AVEN: variants seen among roughly 807,000 people sequenced by gnomAD.
AVEN encodes the protein apoptosis and caspase activation inhibitor.
A neutral mutation model predicts 38.1 loss-of-function variants in AVEN; 41 were observed. That is an observed-to-expected ratio of 1.08 (90% CI 0.84 to 1.40). The LOEUF (loss-of-function observed/expected upper bound fraction) is 1.40, where lower values mean the gene tolerates loss of function less well. AVEN is among the 40% of genes most tolerant of loss of function. The pLI, the probability that AVEN is intolerant of heterozygous loss-of-function variation, is 0.00. For missense variants in AVEN, 605 were observed against 438.8 expected (o/e 1.38, Z -3.38); for synonymous variants, 206 against 171.8 (o/e 1.20, Z -1.56).
chr15:33,961,500 T>C (rs1388478601), intron 2 of AVEN, among the ~76,000 whole-genome samples: 2 of 152,056 alleles, frequency 1.3e-5, no homozygotes, highest in African/African-American at 4.8e-5. Context: ...TCTGAGATGC[T>C]CAGCATTCTC....
chr15:33,953,905 A>G (rs1894846750), intron 2 of AVEN, among the ~76,000 whole-genome samples: 1 of 152,238 alleles, frequency 6.6e-6, no homozygotes, highest in Non-Finnish European at 1.5e-5. Context: ...CAAAGGGCTA[A>G]TATCCAGAAT....
At chr15:33,868,314 G>C (rs1049076984) in intron 4 of AVEN, among the ~76,000 whole-genome samples, 1 of 152,018 alleles carries the variant, frequency 6.6e-6, no homozygotes, top group Non-Finnish European at 1.5e-5. Flanking sequence ...ATGAGGTCAG[G>C]AGATTGAGAC....
intron 2 of AVEN, among the ~76,000 whole-genome samples, chr15:33,884,427 T>C (rs925713704): frequency 6.6e-6 from 1 of 152,218 alleles, no homozygotes; most frequent in African/African-American, 2.4e-5. Context: ...TACAGAACTC[T>C]AAGTATTCTA....
intron 1 of AVEN, among the ~76,000 whole-genome samples, chr15:34,026,217 T>C (rs565706530): frequency 6.6e-6 from 1 of 152,322 alleles, no homozygotes; most frequent in African/African-American, 2.4e-5. Context: ...TATGACATCT[T>C]CCCAGTTTTA....
intron 5 of AVEN, among the ~76,000 whole-genome samples, chr15:34,045,119 T>C (rs1899637893): frequency 6.6e-6 from 1 of 152,242 alleles, no homozygotes. Flanking sequence ...GTCACCTGAA[T>C]TTGGTCTAAA....
chr15:33,864,074 T>A (rs1889522322), downstream of AVEN: 1 of 1,237,034 alleles, frequency 8.1e-7, no homozygotes, highest in African/African-American at 1.5e-5. Flanking sequence ...TGATCACAGT[T>A]AATCCATGCG....
chr15:34,030,418 T>C (rs537956276), intron 1 of AVEN, among the ~76,000 whole-genome samples: 1 of 151,900 alleles, frequency 6.6e-6, no homozygotes, highest in South Asian at 2.1e-4. Flanking sequence ...CAATCTCGCT[T>C]CACTGCAAGC....
chr15:34,001,908 A>G (rs1897151603), intron 2 of AVEN, among the ~76,000 whole-genome samples: 1 of 152,224 alleles, frequency 6.6e-6, no homozygotes, highest in African/African-American at 2.4e-5. Context: ...GAAAAAATTC[A>G]AAGCAGTCCC....
At chr15:34,029,204 C>T (rs1256439367) in intron 1 of AVEN, among the ~76,000 whole-genome samples, 2 of 152,170 alleles carry the variant, frequency 1.3e-5, no homozygotes, top group Admixed American at 6.6e-5. Flanking sequence ...ACCACCGCCA[C>T]TGCCAACTCT....
In AVEN at chr15:34,038,828, TCG is replaced by T; in HGVS notation, c.217_218del (p.Gly74GlnfsTer17). 1 of 1,189,622 alleles carries T rather than the reference TCG, an allele frequency of 8.4e-7. No individual in the cohort carries two copies. Among genetic ancestry groups the T allele is most frequent in the Non-Finnish European group, 1.0e-6 (1 of 961,136 alleles). The allele number at this position is 1,189,622 out of a possible 1,614,324, so 73.7% of individuals were successfully genotyped here. A position where few individuals can be genotyped will look rare whatever the true frequency, so the allele number is the denominator to read the frequency against. On this transcript the variant is annotated frameshift_variant, in exon 1 of 6. Coordinates refer to ENST00000306730, the MANE Select transcript of AVEN (RefSeq NM_020371.3). LOFTEE classifies it high-confidence loss of function. ...AGCCTCCCGGCTCCCGGCGGCTGCCTCGCGGGGCGCCTCCTCCTCCTCGGCCT... is the reference window on the plus strand; with the variant it reads ...AGCCTCCCGGCTCCCGGCGGCTGCCTCGGGGCGCCTCCTCCTCCTCGGCCT... Reference protein sequence around the residue: ...RGGRGGGGAPRGSRREPGGWG... With the variant: ...RGGRGGGGAPXGSRREPGGWG...
intron 4 of AVEN, chr15:34,065,427 G>A (rs1214934389): frequency 6.6e-6 from 1 of 151,656 alleles, no homozygotes. Flanking sequence ...AAGCAGGTCA[G>A]CTGTGCTGCC....
chr15:33,856,596 T>G (rs1318247554), downstream of AVEN: 3 of 152,332 alleles, frequency 2.0e-5, no homozygotes, highest in African/African-American at 7.2e-5. Context: ...TGCATGATTA[T>G]TTATGAAATA....
At position 33,964,699 on chromosome 15, in the gene AVEN, G is replaced by A. The variant is rs116918071; in HGVS notation, c.445+38333C>T. Among the ~76,000 whole-genome samples the A allele has an allele frequency of 1.4e-3, 220 of 152,074 alleles. 5 individuals carry two copies. In the East Asian group the frequency reaches 0.029, roughly 20 times the overall value. On this transcript the variant is annotated intron_variant, in intron 2 of 5. Transcript: ENST00000306730. ...TTTAAAACACATTGCTATTTGAGAG[G>A]CCATAATACAATTTTGGAAAGAAAA... is the stretch of plus-strand genomic sequence containing the variant.
downstream of AVEN, among the ~76,000 whole-genome samples, chr15:33,853,877 C>G (rs1020524382): frequency 2.0e-5 from 3 of 152,042 alleles, no homozygotes; most frequent in Admixed American, 6.6e-5. Flanking sequence ...CCCTATAGAG[C>G]TGAAAGATAA....
At chr15:33,994,465 C>T (rs1038099097) in intron 2 of AVEN, among the ~76,000 whole-genome samples, 1 of 152,144 alleles carries the variant, frequency 6.6e-6, no homozygotes, top group African/African-American at 2.4e-5. Context: ...AAATAAAGCA[C>T]ATAATAAATG....
intron 1 of AVEN, among the ~76,000 whole-genome samples, chr15:34,008,143 T>C (rs959321797): frequency 1.3e-5 from 2 of 152,112 alleles, no homozygotes; most frequent in African/African-American, 2.4e-5. Context: ...TGGGTGGGCC[T>C]GGCACCATGG....
intron 2 of AVEN, among the ~76,000 whole-genome samples, chr15:33,943,219 T>C (rs753140942): frequency 4.6e-5 from 7 of 152,176 alleles, no homozygotes; most frequent in Non-Finnish European, 7.4e-5. Flanking sequence ...CAAGTGTCTG[T>C]TGAATGGATA....
At chr15:34,069,771 T>C (rs1900592609) in intron 2 of AVEN, among the ~76,000 whole-genome samples, 1 of 152,246 alleles carries the variant, frequency 6.6e-6, no homozygotes, top group South Asian at 2.1e-4. Context: ...TGTGGTTATA[T>C]TGTTCATTTG....
intron 4 of AVEN, chr15:34,065,295 A>G (rs1026969476): frequency 2.0e-5 from 3 of 152,216 alleles, no homozygotes; most frequent in Non-Finnish European, 4.4e-5. Flanking sequence ...CTTGCTTTCT[A>G]ATCTCTTCAC....
Sources: gnomAD v4.1 joint callset for allele counts (sites outside exome capture counted in the v4.1 genomes callset) on GRCh38, gnomAD v4.1.1 for gene constraint, MANE v1.5 for transcripts, NCBI Gene and HGNC (gene_info 2026-07-23, HGNC 2026-07-21) for gene names.